The following ENOX1 variants were observed in gnomAD, a reference collection of about 807,000 sequenced individuals.
The protein encoded by ENOX1 is ecto-NOX disulfide-thiol exchanger 1.
A neutral mutation model predicts 82.5 loss-of-function variants in ENOX1; 42 were observed. The ratio of observed to expected loss-of-function variants is 0.51; its 90% CI spans 0.40 to 0.66. The LOEUF (loss-of-function observed/expected upper bound fraction) is 0.66, where lower values mean the gene tolerates loss of function less well. Ranked by LOEUF, ENOX1 falls within the 30% of genes least tolerant of loss-of-function variation. The pLI, the probability that ENOX1 is intolerant of heterozygous loss-of-function variation, is 0.00. For missense variants in ENOX1, 608 were observed against 811.6 expected, an observed-to-expected ratio of 0.75 and a Z score of 3.05; for synonymous variants, 271 against 282.2, an observed-to-expected ratio of 0.96 and a Z score of 0.40.
At chr13:43,310,980 A>G (rs979939814) in intron 11 of ENOX1, among the ~76,000 whole-genome samples, 6 of 151,734 alleles carry the variant, frequency 4.0e-5, no homozygotes, top group African/African-American at 1.5e-4. Flanking sequence ...AAAGAACATC[A>G]CCTTCTTCCT....
chr13:43,777,993 T>C (rs1434355950), intron 1 of ENOX1, among the ~76,000 whole-genome samples: 1 of 152,240 alleles, frequency 6.6e-6, no homozygotes, highest in Admixed American at 6.5e-5. Flanking sequence ...CACTCTTTTG[T>C]TCTCGCTGAT....
In ENOX1 at chr13:43,749,679, T is replaced by C. The variant is rs139640972; in HGVS notation, c.-285+36973A>G. Reference sequence around the variant, plus strand: ...TCTGAGAATATGACTGATGTTATTTTCTGTACTGAGAGTAACAGTAAAACA... The same window carrying C: ...TCTGAGAATATGACTGATGTTATTTCCTGTACTGAGAGTAACAGTAAAACA... On this transcript the variant is annotated intron_variant, in intron 1 of 16. Coordinates refer to ENST00000690772, the MANE Select transcript of ENOX1 (RefSeq NM_001347969.2). Among the ~76,000 whole-genome samples the C allele has an allele frequency of 6.4e-3, 980 of 152,348 alleles. 5 individuals are homozygous for C. Among genetic ancestry groups the C allele is most frequent in the Middle Eastern group, 0.031 (9 of 294 alleles).
At chr13:43,334,638 A>C (rs926933254) in intron 9 of ENOX1, among the ~76,000 whole-genome samples, 2 of 152,178 alleles carry the variant, frequency 1.3e-5, no homozygotes, top group African/African-American at 4.8e-5. Flanking sequence ...ATTGGAGGTT[A>C]TGATGGAGCA....
rs546255541 is a variant in ENOX1, at chr13:43,346,046, C to T, written c.824-1296G>A. On this transcript the variant is annotated intron_variant, in intron 8 of 16. Transcript: ENST00000690772. ...CGTTTCACTCACCAGATTTTAAAAT[C>T]AATCATTGAGTTCTTATTAGTATTT... Among the ~76,000 whole-genome samples, 5 of 152,316 alleles carry T rather than the reference C, an allele frequency of 3.3e-5. No homozygotes were observed. The East Asian group carries it at 7.7e-4, about 23-fold the overall frequency.
intron 3 of ENOX1, among the ~76,000 whole-genome samples, chr13:43,434,937 G>GTTTTTTTTTTTTTT (rs537775258): frequency 2.4e-4 from 18 of 75,870 alleles, no homozygotes; most frequent in African/African-American, 2.7e-4. Flanking sequence ...TGTGTGTGTG[G>GTTTTTTTTTTTTTT]TTTTTTTTTT....
intron 2 of ENOX1, among the ~76,000 whole-genome samples, chr13:43,531,988 T>C (rs1054580017): frequency 6.6e-6 from 1 of 151,502 alleles, no homozygotes; most frequent in Admixed American, 6.6e-5. Context: ...GACGAGTTAA[T>C]GGGTGCAGCA....
intron 9 of ENOX1, among the ~76,000 whole-genome samples, chr13:43,334,491 A>G (rs184932049): frequency 2.8e-4 from 42 of 152,280 alleles, no homozygotes; most frequent in African/African-American, 1.0e-3. Context: ...GGGAGACAAC[A>G]TATATATGAT....
In ENOX1 at chr13:43,564,998, C is replaced by T. The variant is rs549055970; in HGVS notation, c.-218-80846G>A. 3.3e-5 allele frequency among the ~76,000 whole-genome samples: 5 copies of T among 152,256 alleles called. No homozygotes were observed. In the South Asian group the frequency reaches 1.0e-3, roughly 32 times the overall value. On this transcript the variant is annotated intron_variant, in intron 2 of 16. Transcript: ENST00000690772. ...TGAACAAAGAGAAACAAGGTCTCTA[C>T]TCTCGTGAGGCTTCTACTTTAGGGT...
chr13:43,737,014 A>T (rs2089666128), intron 1 of ENOX1, among the ~76,000 whole-genome samples: 1 of 152,212 alleles, frequency 6.6e-6, no homozygotes, highest in Non-Finnish European at 1.5e-5. Context: ...ACCCTGCCAT[A>T]GATGATTTCC....
At chr13:43,317,002 A>C (rs534729506) in intron 11 of ENOX1, among the ~76,000 whole-genome samples, 1 of 152,302 alleles carries the variant, frequency 6.6e-6, no homozygotes, top group East Asian at 1.9e-4. Context: ...GACACACCCC[A>C]CTGGTCTATT....
chr13:43,281,408 A>C (rs2045374520), intron 12 of ENOX1, among the ~76,000 whole-genome samples: 1 of 152,210 alleles, frequency 6.6e-6, no homozygotes, highest in Non-Finnish European at 1.5e-5. Flanking sequence ...AAAGCATTAA[A>C]GAAGTGAGCC....
At chr13:43,621,784 T>G (rs890481348) in intron 2 of ENOX1, among the ~76,000 whole-genome samples, 1 of 152,130 alleles carries the variant, frequency 6.6e-6, no homozygotes, top group African/African-American at 2.4e-5. Flanking sequence ...GCTTCTTGTT[T>G]TTGGATGTGT....
At chr13:43,348,512 C>A (rs763079282) in intron 8 of ENOX1, among the ~76,000 whole-genome samples, 2 of 152,080 alleles carry the variant, frequency 1.3e-5, no homozygotes, top group African/African-American at 2.4e-5. Flanking sequence ...AACTGCAGAC[C>A]GAAAATAGTA....
chr13:43,523,112 C>T (rs997992002), intron 2 of ENOX1, among the ~76,000 whole-genome samples: 1 of 152,166 alleles, frequency 6.6e-6, no homozygotes, highest in Non-Finnish European at 1.5e-5. Flanking sequence ...CCCTCACTCC[C>T]ATCCTCTGCA....
chr13:43,495,509 T>G (rs1247302302), intron 2 of ENOX1, among the ~76,000 whole-genome samples: 1 of 152,084 alleles, frequency 6.6e-6, no homozygotes, highest in African/African-American at 2.4e-5. Flanking sequence ...AATTCATAAG[T>G]ATTCAATTGT....
intron 1 of ENOX1, among the ~76,000 whole-genome samples, chr13:43,738,660 T>C (rs1364044197): frequency 6.6e-6 from 1 of 152,220 alleles, no homozygotes; most frequent in African/African-American, 2.4e-5. Context: ...CAACTGATTC[T>C]TCCTGGGTAA....
At chr13:43,617,286 C>A (rs531574818) in intron 2 of ENOX1, among the ~76,000 whole-genome samples, 1 of 152,148 alleles carries the variant, frequency 6.6e-6, no homozygotes, top group Non-Finnish European at 1.5e-5. Flanking sequence ...TCCTTATGCA[C>A]GCTCCCTCTT....
rs1483576324 is a variant in ENOX1, at chr13:43,213,368, T to A, written c.*622A>T. 6.6e-6 allele frequency: 1 copy of A among 152,102 alleles called. No homozygotes were observed. Among genetic ancestry groups the A allele is most frequent in the African/African-American group, 2.4e-5 (1 of 41,442 alleles). 9.4% of individuals were successfully genotyped at this position (152,102 alleles called of 1,614,324 possible). On this transcript the variant is annotated 3_prime_UTR_variant, in exon 17 of 17. Transcript: ENST00000690772. ...AAAAATAATATTCTTGATAAAGCAT[T>A]CTCAATGTGTCCAATCATATTTTCT...
At chr13:43,541,171 C>CTGTTT (rs2078694176) in intron 2 of ENOX1, among the ~76,000 whole-genome samples, 1 of 38,732 alleles carries the variant, frequency 2.6e-5, no homozygotes, top group Non-Finnish European at 6.1e-5. Context: ...CTTCTTCCCT[C>CTGTTT]TGTTTTTTTT....
Sources: allele counts gnomAD v4.1 joint callset (sites outside exome capture counted in the v4.1 genomes callset), GRCh38; gene constraint gnomAD v4.1.1; transcripts MANE v1.5; gene names NCBI Gene and HGNC (gene_info 2026-07-23, HGNC 2026-07-21).